TTLL7: variants seen among roughly 807,000 people sequenced by gnomAD.
TTLL7 encodes the protein tubulin tyrosine ligase like 7.
TTLL7 carries 53 observed loss-of-function variants against 120.2 expected under a neutral mutation model. That is an observed-to-expected ratio of 0.44 (90% CI 0.35 to 0.55). The LOEUF is 0.55. Among genes scored for constraint, TTLL7 ranks in the 20% least tolerant of loss-of-function variants. The pLI, the probability that TTLL7 is intolerant of heterozygous loss-of-function variation, is 0.00. For synonymous variants in TTLL7, 353 were observed against 351.7 expected, an observed-to-expected ratio of 1.00 and a Z score of -0.04; for missense variants, 803 against 1,054.7, an observed-to-expected ratio of 0.76 and a Z score of 3.31.
chr1:83,976,025 GTC>G (rs151019525), intron 1 of TTLL7, among the ~76,000 whole-genome samples: 14 of 91,842 alleles, frequency 1.5e-4, no homozygotes, highest in Non-Finnish European at 2.0e-4. Context: ...CTGAAATTTT[GTC>G]TCTCTCTGTG....
chr1:83,881,934 T>C (rs1654526608), intron 20 of TTLL7, among the ~76,000 whole-genome samples: 2 of 151,028 alleles, frequency 1.3e-5, no homozygotes, highest in South Asian at 2.1e-4. Flanking sequence ...TCATGTCCTT[T>C]GTAGGGACAT....
intron 9 of TTLL7, among the ~76,000 whole-genome samples, chr1:83,931,231 T>C (rs1659572307): frequency 6.6e-6 from 1 of 151,992 alleles, no homozygotes; most frequent in Admixed American, 6.6e-5. Flanking sequence ...GAAATGAAAA[T>C]TATTATAAAA....
intron 7 of TTLL7, among the ~76,000 whole-genome samples, chr1:83,941,253 ATAT>A (rs1368680326): frequency 6.6e-6 from 1 of 152,130 alleles, no homozygotes; most frequent in Admixed American, 6.5e-5. Flanking sequence ...TTACCATCAG[ATAT>A]TATAATTGCT....
At position 83,868,980 on chromosome 1, in the gene TTLL7, A is replaced by G. The variant is rs555140360; in HGVS notation, c.*982T>C. 1 of 141,186 alleles carries G rather than the reference A, an allele frequency of 7.1e-6. No individual in the cohort carries two copies. The highest frequency in any genetic ancestry group is 2.6e-5 in the African/African-American group (1 of 38,694). The allele number at this position is 141,186 out of a possible 1,614,324, so 8.7% of individuals were successfully genotyped here. A position where few individuals can be genotyped will look rare whatever the true frequency, so the allele number is the denominator to read the frequency against. ...TATTTATTTATTTTATTTTATTATT[A>G]TTTTTTTTTTTTGAGACAGAGTTTC... On this transcript the variant is annotated 3_prime_UTR_variant, in exon 21 of 21. Transcript: ENST00000260505.
chr1:83,988,562 T>C (rs890724758), intron 1 of TTLL7, among the ~76,000 whole-genome samples: 3 of 152,242 alleles, frequency 2.0e-5, no homozygotes, highest in Admixed American at 6.5e-5. Context: ...TTTTTGACTT[T>C]TCGTTAGTTG....
intron 18 of TTLL7, among the ~76,000 whole-genome samples, chr1:83,895,568 G>A (rs1348449552): frequency 6.6e-6 from 1 of 152,030 alleles, no homozygotes; most frequent in Non-Finnish European, 1.5e-5. Context: ...TTCTTGTCAG[G>A]TCATTGTCAC....
At chr1:83,904,447 C>T (rs1178626638) in intron 17 of TTLL7, among the ~76,000 whole-genome samples, 2 of 151,952 alleles carry the variant, frequency 1.3e-5, no homozygotes, top group African/African-American at 4.8e-5. Context: ...CCAGCCTGGC[C>T]AATATGGCAA....
At chr1:83,951,698 T>C (rs111425470) in intron 3 of TTLL7, 147 bp downstream of exon 3, 7 of 843,806 alleles carry the variant, frequency 8.3e-6, no homozygotes, top group African/African-American at 5.3e-5. Context: ...AGAATCCTTC[T>C]AATATGTTAG....
At position 83,973,750 on chromosome 1, in the gene TTLL7, T is replaced by C. The variant is rs181765325; in HGVS notation, c.-176-21363A>G. Reference sequence around the variant, plus strand: ...TCTTTGATTTTGCTCATCAGAGTTTTTGTAGTTTTCCTTATATAGATCTTA... The same window carrying C: ...TCTTTGATTTTGCTCATCAGAGTTTCTGTAGTTTTCCTTATATAGATCTTA... On this transcript the variant is annotated intron_variant, in intron 1 of 20. Transcript: ENST00000260505. Among the ~76,000 whole-genome samples the C allele has an allele frequency of 2.0e-5, 3 of 152,206 alleles. No individual in the cohort carries two copies. The East Asian group carries it at 5.8e-4, about 29-fold the overall frequency.
intron 18 of TTLL7, among the ~76,000 whole-genome samples, chr1:83,892,564 GAACATATATATGAACATATA>G: frequency 1.2e-5 from 1 of 82,248 alleles, no homozygotes; most frequent in African/African-American, 4.3e-5. Flanking sequence ...ATGAACATAT[GAACATATATATGAACATATA>G]AATGAACATA....
At chr1:83,881,679 G>A (rs973437603) in intron 20 of TTLL7, among the ~76,000 whole-genome samples, 1 of 151,610 alleles carries the variant, frequency 6.6e-6, no homozygotes, top group Non-Finnish European at 1.5e-5. Flanking sequence ...AGTCAGTGTG[G>A]CGATTCCTCA....
intron 19 of TTLL7, among the ~76,000 whole-genome samples, chr1:83,884,836 C>T (rs1654848185): frequency 6.6e-6 from 1 of 151,422 alleles, no homozygotes; most frequent in Admixed American, 6.6e-5. Flanking sequence ...AACTAACCTG[C>T]ACATTGTGCA....
At chr1:83,979,053 T>G (rs1651739627) in intron 1 of TTLL7, 1 of 152,238 alleles carries the variant, frequency 6.6e-6, no homozygotes, top group Non-Finnish European at 1.5e-5. Context: ...CATGCTTAGC[T>G]TCAGCAGCCC....
Position 83,868,762 on chromosome 1 carries a change from C to T in TTLL7, c.*1200G>A, listed in dbSNP as rs756439879. ...AATTGTATTTAACCACATGTTAAAC[C>T]CATCAAAGATATACTTTCCAAATAA... is the stretch of plus-strand genomic sequence containing the variant. On this transcript the variant is annotated 3_prime_UTR_variant, in exon 21 of 21. Transcript: ENST00000260505. 3.3e-5 allele frequency: 5 copies of T among 151,854 alleles called. No homozygotes were observed. Among genetic ancestry groups the T allele is most frequent in the Non-Finnish European group, 4.4e-5 (3 of 67,958 alleles). 9.4% of individuals were successfully genotyped at this position (151,854 alleles called of 1,614,324 possible). A position where few individuals can be genotyped will look rare whatever the true frequency, so the allele number is the denominator to read the frequency against.
rs373857845 is a variant in TTLL7, at chr1:83,917,600, G to A, written c.1587+4C>T. 45 of 1,597,360 alleles carry A rather than the reference G, an allele frequency of 2.8e-5. No homozygotes were observed. The highest frequency in any genetic ancestry group is 2.6e-5 in the Non-Finnish European group (30 of 1,165,094). On this transcript the variant is annotated splice_donor_region_variant and intron_variant, in intron 14 of 20. Coordinates refer to ENST00000260505, the MANE Select transcript of TTLL7 (RefSeq NM_024686.6). ...TAAGTAAGGAAGGTAGAGATATACT[G>A]CACCTTTGGTCCTCGAGTCTTGGTA...
chr1:83,955,987 G>A (rs568860082), intron 1 of TTLL7, among the ~76,000 whole-genome samples: 12 of 152,220 alleles, frequency 7.9e-5, no homozygotes, highest in East Asian at 1.9e-4. Flanking sequence ...GCAGCAGAGC[G>A]TGTCTTAAAA....
intron 8 of TTLL7, among the ~76,000 whole-genome samples, chr1:83,936,876 C>T (rs1166508377): frequency 6.6e-6 from 1 of 152,184 alleles, no homozygotes; most frequent in Non-Finnish European, 1.5e-5. Context: ...CTCCTTCAGA[C>T]CTCTCCTGAC....
At chr1:83,953,513 T>C (rs1649251579) in intron 1 of TTLL7, among the ~76,000 whole-genome samples, 1 of 152,158 alleles carries the variant, frequency 6.6e-6, no homozygotes, top group Admixed American at 6.6e-5. Flanking sequence ...TAGGGTTTTA[T>C]TTGTTCTCAG....
chr1:83,981,548 G>A (rs1037471716), intron 1 of TTLL7: 2 of 152,280 alleles, frequency 1.3e-5, no homozygotes, highest in African/African-American at 4.8e-5. Context: ...AACAAAGGTA[G>A]GCCAGGTGCC....
Sources: gnomAD v4.1 joint callset for allele counts (sites outside exome capture counted in the v4.1 genomes callset) on GRCh38, gnomAD v4.1.1 for gene constraint, MANE v1.5 for transcripts, NCBI Gene and HGNC (gene_info 2026-07-23, HGNC 2026-07-21) for gene names.